PTPRD: variants seen among roughly 807,000 people sequenced by gnomAD.
PTPRD encodes protein tyrosine phosphatase receptor type D.
In PTPRD, 34 loss-of-function variants were observed where a neutral mutation model predicts 214.5. The observed-to-expected ratio is 0.16, with a 90% CI of 0.12 to 0.21. The LOEUF (loss-of-function observed/expected upper bound fraction) is 0.21, where lower values mean the gene tolerates loss of function less well. Ranked by LOEUF, PTPRD falls within the 10% of genes least tolerant of loss-of-function variation. The pLI, the probability that PTPRD is intolerant of heterozygous loss-of-function variation, is 1.00. For missense variants in PTPRD, 2,545 were observed against 2,398.7 expected, an observed-to-expected ratio of 1.06 and a Z score of -1.27; for synonymous variants, 1,128 against 845.7, an observed-to-expected ratio of 1.33 and a Z score of -5.79.
At chr9:9,786,013 G>GT (rs1393625478) in intron 5 of PTPRD, among the ~76,000 whole-genome samples, 5 of 152,090 alleles carry the variant, frequency 3.3e-5, no homozygotes, top group African/African-American at 1.2e-4. Flanking sequence ...CACTATCCTG[G>GT]TTTTTTCTCC....
rs1268195149 is a variant in PTPRD, at chr9:8,734,394, C to T, written c.-103-448G>A. Among the ~76,000 whole-genome samples, 4 of 152,330 alleles carry T rather than the reference C, an allele frequency of 2.6e-5. No individual in the cohort carries two copies. In the South Asian group the frequency reaches 6.2e-4, roughly 24 times the overall value. On this transcript the variant is annotated intron_variant, in intron 11 of 45. Transcript: ENST00000381196. ...ATTACTGACACAATAATGGAAGCTG[C>T]TTTTTTGGCATCAGTTGAAATGACA...
chr9:10,438,118 A>G (rs949501041), intron 2 of PTPRD, among the ~76,000 whole-genome samples: 7 of 150,550 alleles, frequency 4.6e-5, no homozygotes, highest in African/African-American at 1.7e-4. Context: ...ACTAAGTACT[A>G]GGGCCAATAT....
At chr9:9,118,468 A>G (rs2099814436) in intron 10 of PTPRD, among the ~76,000 whole-genome samples, 1 of 152,124 alleles carries the variant, frequency 6.6e-6, no homozygotes, top group Non-Finnish European at 1.5e-5. Context: ...TTAGTCACAC[A>G]CTGGCTTCCT....
chr9:9,251,921 C>T (rs1484542940), intron 9 of PTPRD, among the ~76,000 whole-genome samples: 1 of 152,060 alleles, frequency 6.6e-6, no homozygotes, highest in East Asian at 1.9e-4. Flanking sequence ...AAGTGAAATA[C>T]AAAATACTAC....
chr9:10,150,173 T>C (rs2099051104), intron 3 of PTPRD, among the ~76,000 whole-genome samples: 1 of 152,184 alleles, frequency 6.6e-6, no homozygotes, highest in Admixed American at 6.5e-5. Context: ...TTTCAAAGAA[T>C]TATTTGTAAT....
At chr9:9,215,648 C>A (rs1485489483) in intron 9 of PTPRD, among the ~76,000 whole-genome samples, 2 of 152,078 alleles carry the variant, frequency 1.3e-5, no homozygotes, top group Non-Finnish European at 2.9e-5. Context: ...AAGGGAGCAG[C>A]TCCTCAGGGG....
At chr9:10,559,136 T>G (rs2063282858) in intron 2 of PTPRD, among the ~76,000 whole-genome samples, 1 of 152,134 alleles carries the variant, frequency 6.6e-6, no homozygotes, top group African/African-American at 2.4e-5. Flanking sequence ...AGACCTTAAA[T>G]GCTTCCACTG....
At chr9:8,682,113 T>C (rs941801087) in intron 12 of PTPRD, among the ~76,000 whole-genome samples, 2 of 152,174 alleles carry the variant, frequency 1.3e-5, no homozygotes, top group African/African-American at 4.8e-5. Flanking sequence ...ATAGACACCT[T>C]TGTCATTCAG....
chr9:9,649,308 C>T (rs2096274632), intron 7 of PTPRD, among the ~76,000 whole-genome samples: 1 of 152,294 alleles, frequency 6.6e-6, no homozygotes, highest in Middle Eastern at 3.4e-3. Context: ...GAAATCCCTT[C>T]TCATACTACA....
intron 2 of PTPRD, among the ~76,000 whole-genome samples, chr9:10,518,998 C>A (rs1359641798): frequency 1.3e-5 from 2 of 151,472 alleles, no homozygotes; most frequent in Admixed American, 6.6e-5. Context: ...TCAGAAGAAA[C>A]CTGCACTCTT....
chr9:9,187,644 T>A (rs1170227830), intron 9 of PTPRD, among the ~76,000 whole-genome samples: 1 of 151,986 alleles, frequency 6.6e-6, no homozygotes, highest in Non-Finnish European at 1.5e-5. Flanking sequence ...TCATCCCTTA[T>A]AGGTTTCTTG....
chr9:9,941,554 A>G (rs1281517641), intron 4 of PTPRD, among the ~76,000 whole-genome samples: 3 of 152,120 alleles, frequency 2.0e-5, no homozygotes, highest in Admixed American at 6.6e-5. Context: ...AACTCCTGAC[A>G]TCAAGTGATC....
chr9:8,564,073 C>T (rs941269867), intron 14 of PTPRD, among the ~76,000 whole-genome samples: 7 of 152,140 alleles, frequency 4.6e-5, no homozygotes, highest in Admixed American at 3.3e-4. Context: ...ATATGTGGTA[C>T]GATACTCTCT....
At chr9:9,653,265 C>A (rs1450329416) in intron 7 of PTPRD, among the ~76,000 whole-genome samples, 2 of 139,862 alleles carry the variant, frequency 1.4e-5, no homozygotes, top group Admixed American at 7.6e-5. Context: ...TGGCGTGAAC[C>A]CGGGAAGCGG....
chr9:8,339,749 A>ATCTC (rs1310994082), intron 42 of PTPRD, among the ~76,000 whole-genome samples: 1 of 152,080 alleles, frequency 6.6e-6, no homozygotes, highest in Non-Finnish European at 1.5e-5. Flanking sequence ...TCTAAGAGGT[A>ATCTC]TCTCTAAATA....
chr9:9,509,596 C>A lies in PTPRD; in HGVS notation c.-237+65136G>T, dbSNP rs536340630. ...CATTTCTTTCTTGCTATATAACAAA[C>A]CCTAAATTTTAGACCATCAAGGAGA... is the stretch of plus-strand genomic sequence containing the variant. On this transcript the variant is annotated intron_variant, in intron 8 of 45. Coordinates refer to ENST00000381196, the MANE Select transcript of PTPRD (RefSeq NM_002839.4). 5.3e-5 allele frequency among the ~76,000 whole-genome samples: 8 copies of A among 151,598 alleles called. No homozygotes were observed. In the East Asian group the frequency reaches 1.6e-3, roughly 30 times the overall value.
intron 14 of PTPRD, among the ~76,000 whole-genome samples, chr9:8,599,017 A>G (rs2094639165): frequency 6.6e-6 from 1 of 152,160 alleles, no homozygotes; most frequent in Non-Finnish European, 1.5e-5. Context: ...TCCCATAATT[A>G]TAACGTGTCC....
intron 9 of PTPRD, among the ~76,000 whole-genome samples, chr9:9,356,034 G>C (rs1208874468): frequency 6.6e-6 from 1 of 151,384 alleles, no homozygotes; most frequent in Non-Finnish European, 1.5e-5. Flanking sequence ...TGGTGACATT[G>C]ACAAGTTTTA....
intron 2 of PTPRD, among the ~76,000 whole-genome samples, chr9:10,557,238 G>A (rs7037240): frequency 0.64 from 97,381 of 151,864 alleles, 31,647 homozygotes; most frequent in Non-Finnish European, 0.7. Flanking sequence ...TCTGTTTTCT[G>A]CTTCTCTTTT....
Sources: gnomAD v4.1 joint callset for allele counts (sites outside exome capture counted in the v4.1 genomes callset) on GRCh38, gnomAD v4.1.1 for gene constraint, MANE v1.5 for transcripts, NCBI Gene and HGNC (gene_info 2026-07-23, HGNC 2026-07-21) for gene names.